Variants in DLG2 observed in about 807,000 individuals in gnomAD.
DLG2 encodes the protein discs large MAGUK scaffold protein 2, also known as disks large homolog 2.
Under a neutral mutation model 132.5 loss-of-function variants are expected in DLG2, and 45 were observed. The observed-to-expected ratio is 0.34, with a 90% CI of 0.27 to 0.44. The LOEUF (loss-of-function observed/expected upper bound fraction) is 0.44. DLG2 is among the 20% of genes least tolerant of loss of function. The pLI is 1.00. For synonymous variants in DLG2, 424 were observed against 419.6 expected (o/e 1.01, Z -0.13); for missense variants, 1,045 against 1,196.9 (o/e 0.87, Z 1.87).
rs560278691 is a variant in DLG2 at position 84,407,542 on chromosome 11, G to T, written c.519+127028C>A. Among the ~76,000 whole-genome samples, 3 of 152,234 alleles carry T rather than the reference G, an allele frequency of 2.0e-5. 1 individual carries two copies. Among genetic ancestry groups the T allele is most frequent in the Admixed American group, 2.0e-4 (3 of 15,282 alleles). ...TAGGTCAGGTTATGTTGTTGTTACT[G>T]TTTCTTTCTATTTTTAGTTCCTAGA... On this transcript the variant is annotated intron_variant, in intron 7 of 27. Transcript: ENST00000376104.
intron 6 of DLG2, among the ~76,000 whole-genome samples, chr11:84,947,137 C>T (rs2050319750): frequency 6.6e-6 from 1 of 152,172 alleles, no homozygotes; most frequent in African/African-American, 2.4e-5. Flanking sequence ...GATGTCTTTG[C>T]TTCCTTCTTT....
At chr11:84,839,290 T>C (rs554385252) in intron 6 of DLG2, among the ~76,000 whole-genome samples, 3 of 152,132 alleles carry the variant, frequency 2.0e-5, no homozygotes, top group East Asian at 1.9e-4. Context: ...TTACAAAAGA[T>C]GCGAAGGACC....
intron 20 of DLG2, among the ~76,000 whole-genome samples, chr11:83,537,828 AAAAAAAAG>A (rs1202257210): frequency 4.3e-5 from 6 of 138,912 alleles, no homozygotes; most frequent in South Asian, 2.2e-4. Flanking sequence ...AAAAAAAAAA[AAAAAAAAG>A]AGAGAGAGAG....
At chr11:85,438,257 C>A (rs1010622971) in intron 3 of DLG2, among the ~76,000 whole-genome samples, 1 of 152,100 alleles carries the variant, frequency 6.6e-6, no homozygotes, top group African/African-American at 2.4e-5. Context: ...CACCTCCCAA[C>A]GGACTCCACC....
At chr11:83,804,829 AT>A (rs1368878168) in intron 17 of DLG2, among the ~76,000 whole-genome samples, 1 of 152,068 alleles carries the variant, frequency 6.6e-6, no homozygotes, top group South Asian at 2.1e-4. Context: ...TCTTTTACAG[AT>A]TTTTTTCTTA....
chr11:84,076,877 G>A (rs959697360), intron 10 of DLG2, among the ~76,000 whole-genome samples: 10 of 152,196 alleles, frequency 6.6e-5, no homozygotes, highest in African/African-American at 2.2e-4. Flanking sequence ...GCCATGTGAT[G>A]TGAAGTCTCT....
At chr11:84,398,591 C>A (rs2098818870) in intron 7 of DLG2, among the ~76,000 whole-genome samples, 1 of 152,200 alleles carries the variant, frequency 6.6e-6, no homozygotes, top group African/African-American at 2.4e-5. Flanking sequence ...TTATTAAAAC[C>A]TCTGTTCATG....
At chr11:85,014,459 G>T (rs748981897) in intron 6 of DLG2, among the ~76,000 whole-genome samples, 16 of 152,116 alleles carry the variant, frequency 1.1e-4, no homozygotes, top group Admixed American at 3.3e-4. Flanking sequence ...CAGATGGAAA[G>T]AAAAAGCATC....
At chr11:85,102,787 G>C (rs2071086365) in intron 6 of DLG2, among the ~76,000 whole-genome samples, 1 of 151,790 alleles carries the variant, frequency 6.6e-6, no homozygotes, top group South Asian at 2.1e-4. Flanking sequence ...AATTGGGCAA[G>C]AAAATTAAAT....
chr11:83,460,043 A>G (rs1475380983), intron 27 of DLG2, 119 bp from the exon 28 acceptor site: 12 of 568,350 alleles, frequency 2.1e-5, no homozygotes, highest in Admixed American at 1.5e-4. Flanking sequence ...GAAGCTTCAT[A>G]TCATTTTTCA....
chr11:83,494,165 A>G (rs1191826656), intron 21 of DLG2, among the ~76,000 whole-genome samples: 1 of 151,976 alleles, frequency 6.6e-6, no homozygotes. Flanking sequence ...TCTGGCAGGT[A>G]TTACAGGAAC....
intron 3 of DLG2, among the ~76,000 whole-genome samples, chr11:85,579,451 G>A (rs992848329): frequency 2.6e-5 from 4 of 152,098 alleles, no homozygotes; most frequent in African/African-American, 7.2e-5. Flanking sequence ...CTACATTTAG[G>A]TTAGAAGAAA....
chr11:83,593,149 T>C (rs909665577), intron 19 of DLG2, among the ~76,000 whole-genome samples: 38 of 138,846 alleles, frequency 2.7e-4, no homozygotes, highest in South Asian at 1.7e-3. Flanking sequence ...ACTGGGTATA[T>C]ACCCAAAGGA....
chr11:83,885,331 G>T (rs1041117098), intron 15 of DLG2, among the ~76,000 whole-genome samples: 2 of 152,150 alleles, frequency 1.3e-5, no homozygotes, highest in South Asian at 4.1e-4. Context: ...GTGATCAACT[G>T]GAAGAAAGGG....
At chr11:84,252,387 A>G (rs2097397255) in intron 7 of DLG2, among the ~76,000 whole-genome samples, 1 of 151,650 alleles carries the variant, frequency 6.6e-6, no homozygotes, top group Non-Finnish European at 1.5e-5. Flanking sequence ...TGACCTCGTG[A>G]TTCGCCCGCC....
intron 6 of DLG2, among the ~76,000 whole-genome samples, chr11:85,019,507 T>G (rs549606466): frequency 4.6e-5 from 7 of 152,216 alleles, no homozygotes; most frequent in African/African-American, 1.4e-4. Context: ...TCTGGGGTAC[T>G]TGTGCACAAT....
rs189897702 is a variant in DLG2 at position 85,307,183 on chromosome 11, T to C, written c.41-21818A>G. On this transcript the variant is annotated intron_variant, in intron 3 of 27. Coordinates refer to ENST00000376104, the MANE Select transcript of DLG2 (RefSeq NM_001142699.3). ...GCTCCACAAACATTTGTTAAATGTA[T>C]GAATGAATGCCTGTGACTGCAATCT... Among the ~76,000 whole-genome samples the C allele has an allele frequency of 4.1e-4, 63 of 152,326 alleles. No individual in the cohort carries two copies. In the East Asian group the frequency reaches 0.011, roughly 26 times the overall value.
intron 3 of DLG2, among the ~76,000 whole-genome samples, chr11:85,499,057 ACAAATT>A (rs201298998): frequency 0.024 from 3,631 of 152,292 alleles, 140 homozygotes; most frequent in African/African-American, 0.082. Context: ...GCAAGAGCAA[ACAAATT>A]CAAAAGCTAG....
chr11:84,811,969 G>A (rs915111405), intron 6 of DLG2, among the ~76,000 whole-genome samples: 3 of 152,058 alleles, frequency 2.0e-5, no homozygotes, highest in East Asian at 1.9e-4. Flanking sequence ...CAAGGGTGTC[G>A]TGGAATGCTC....
Sources: allele counts gnomAD v4.1 joint callset (sites outside exome capture counted in the v4.1 genomes callset), GRCh38; gene constraint gnomAD v4.1.1; transcripts MANE v1.5; gene names NCBI Gene and HGNC (gene_info 2026-07-23, HGNC 2026-07-21).